DYSF: variants seen among roughly 807,000 people sequenced by gnomAD.
The protein encoded by DYSF is dystrophy-associated fer-1-like 1.
Under a neutral mutation model 274.9 loss-of-function variants are expected in DYSF, and 212 were observed. The ratio of observed to expected loss-of-function variants is 0.77; its 90% CI spans 0.69 to 0.86. The LOEUF (loss-of-function observed/expected upper bound fraction) is 0.86. Ranked by LOEUF, DYSF falls within the 40% of genes least tolerant of loss-of-function variation. The probability of loss-of-function intolerance (pLI) is 0.00; values close to 1 mark genes in which losing one functional copy is unlikely to be tolerated. For synonymous variants in DYSF, 1,091 were observed against 1,078.7 expected, an observed-to-expected ratio of 1.01 and a Z score of -0.22; for missense variants, 2,666 against 2,783.2, an observed-to-expected ratio of 0.96 and a Z score of 0.95.
At chr2:71,618,352 T>A (rs1292453421) in intron 40 of DYSF, among the ~76,000 whole-genome samples, 15 of 4,386 alleles carry the variant, frequency 3.4e-3, no homozygotes, top group Admixed American at 9.6e-3. Flanking sequence ...GGTAGAGGGG[T>A]GTGTGTGTGG....
Position 71,455,467 on chromosome 2 carries a change from C to T in DYSF, c.88+1381C>T, listed in dbSNP as rs1002917312. Among the ~76,000 whole-genome samples, 9 of 152,180 alleles carry T rather than the reference C, an allele frequency of 5.9e-5. No homozygotes were observed. In the East Asian group the frequency reaches 7.7e-4, roughly 13 times the overall value. Reference sequence around the variant, plus strand: ...TGATCTGCTCTCAATCAGTTTCCCACGTGGCCTCCGGAAATGAGCTTTATC... The same window carrying T: ...TGATCTGCTCTCAATCAGTTTCCCATGTGGCCTCCGGAAATGAGCTTTATC... On this transcript the variant is annotated intron_variant, in intron 1 of 54. Coordinates refer to the DYSF transcript ENST00000258104.
intron 30 of DYSF, among the ~76,000 whole-genome samples, chr2:71,578,187 A>C (rs963595952): frequency 1.3e-5 from 2 of 152,162 alleles, no homozygotes; most frequent in African/African-American, 4.8e-5. Flanking sequence ...TGTGTCTAAC[A>C]AGCCTCCACA....
chr2:71,513,808 A>G lies in DYSF; in HGVS notation c.646A>G (p.Thr216Ala). The change falls in exon 7 of 56, where the codon ACC becomes GCC. Residue 216 changes from threonine to alanine, a missense_variant. By Grantham distance (58) the Thr-to-Ala change is moderately conservative. Coordinates refer to ENST00000410020, the MANE Select transcript of DYSF (RefSeq NM_001130987.2). ...TCAAAGCGGAGGCCCGGGGGCTCCC[A>G]CCACCCCAAGGAAACTACCTTCACG... ...LDQSGGPGAPTTPRKLPSRPP... is the reference protein window; with the variant it reads ...LDQSGGPGAPATPRKLPSRPP... 1 of 1,614,182 alleles carries G rather than the reference A, an allele frequency of 6.2e-7. No individual in the cohort carries two copies. Among genetic ancestry groups the G allele is most frequent in the East Asian group, 2.2e-5 (1 of 44,868 alleles).
intron 7 of DYSF, among the ~76,000 whole-genome samples, chr2:71,515,012 A>T (rs1422306520): frequency 2.0e-5 from 3 of 151,976 alleles, no homozygotes; most frequent in Non-Finnish European, 4.4e-5. Flanking sequence ...AGTTGATTCT[A>T]AAGTGGAGCC....
intron 41 of DYSF, among the ~76,000 whole-genome samples, chr2:71,636,956 C>T (rs990026141): frequency 1.3e-5 from 2 of 152,146 alleles, no homozygotes; most frequent in African/African-American, 4.8e-5. Context: ...CCACTTCTGC[C>T]AAATACTGCT....
At position 71,612,789 on chromosome 2, in the gene DYSF, C is replaced by G. The variant is rs1181520503; in HGVS notation, c.4370C>G (p.Ser1457Cys). ...LCDPYSAESP[S>C]PQGGPDDVSL... The stretch of plus-strand genomic sequence containing the variant: ...GACCCCTACTCGGCGGAGAGTCCAT[C>G]CCCACAGGGTGGCCCAGGTAGGGGA... Residue 1457 changes from serine to cysteine, a missense_variant, in exon 39 of 56, where the codon TCC becomes TGC. Ser to Cys is a moderately radical substitution (Grantham distance 112, BLOSUM62 -1). Coordinates refer to ENST00000410020, the MANE Select transcript of DYSF (RefSeq NM_001130987.2). 6.2e-7 allele frequency: 1 copy of G among 1,613,406 alleles called. No individual in the cohort carries two copies. Among genetic ancestry groups the G allele is most frequent in the South Asian group, 1.1e-5 (1 of 91,012 alleles).
chr2:71,485,609 T>C (rs1225943856), intron 3 of DYSF, among the ~76,000 whole-genome samples: 1 of 152,060 alleles, frequency 6.6e-6, no homozygotes, highest in African/African-American at 2.4e-5. Flanking sequence ...ACCTGCAAGG[T>C]AATTCTGTCA....
rs539451159 is a variant in DYSF, at chr2:71,510,108, G to A, written c.346-1699G>A. Among the ~76,000 whole-genome samples the A allele has an allele frequency of 2.6e-5, 4 of 152,298 alleles. No homozygotes were observed. In the South Asian group the frequency reaches 6.2e-4, roughly 24 times the overall value. ...TGTTTTTAAGAATCAGTCATTCATT[G>A]AGCATTTCCTTCCTTTCTGGTGCAA... On this transcript the variant is annotated intron_variant, in intron 4 of 55. Transcript: ENST00000410020.
chr2:71,591,910 C>T (rs1344903961), intron 32 of DYSF, among the ~76,000 whole-genome samples: 3 of 152,244 alleles, frequency 2.0e-5, no homozygotes, highest in African/African-American at 7.2e-5. Context: ...GGGCCAGGGT[C>T]CTGAGAGCTC....
intron 17 of DYSF, 44 bp downstream of exon 17, chr2:71,539,283 C>T (rs2089691884): frequency 1.3e-6 from 2 of 1,533,576 alleles, no homozygotes; most frequent in Non-Finnish European, 1.8e-6. Flanking sequence ...CTGTGCTCTC[C>T]CCCGTACCCC....
At chr2:71,517,505 A>G (rs1375224138) in intron 10 of DYSF, among the ~76,000 whole-genome samples, 4 of 152,162 alleles carry the variant, frequency 2.6e-5, no homozygotes, top group African/African-American at 7.2e-5. Flanking sequence ...GATGTATAGC[A>G]CCTTTGGTCA....
chr2:71,632,954 G>A lies in DYSF; in HGVS notation c.4528-11011G>A, dbSNP rs554913648. ...GATGTCAGGCCCATGTAGTCTCTGG[G>A]CCTTTGGAAGCAATTCAGCATTTTG... On this transcript the variant is annotated intron_variant, in intron 41 of 55. Coordinates refer to ENST00000410020, the MANE Select transcript of DYSF (RefSeq NM_001130987.2). Among the ~76,000 whole-genome samples, 4 of 152,320 alleles carry A rather than the reference G, an allele frequency of 2.6e-5. No individual in the cohort carries two copies. The South Asian group carries it at 8.3e-4, about 32-fold the overall frequency.
At chr2:71,553,697 A>G in intron 20 of DYSF, 110 bp from the exon 21 acceptor site, 1 of 1,224,238 alleles carries the variant, frequency 8.2e-7, no homozygotes, top group Non-Finnish European at 1.2e-6. Context: ...TCCCTTTCCC[A>G]GCTCTGCCAG....
chr2:71,651,498 T>C (rs986246523), intron 42 of DYSF, among the ~76,000 whole-genome samples: 19 of 152,052 alleles, frequency 1.2e-4, no homozygotes, highest in African/African-American at 4.3e-4. Flanking sequence ...GCAAAAAATA[T>C]GAAAGAAACA....
chr2:71,526,326 G>T lies in DYSF; in HGVS notation c.1256G>T (p.Arg419Leu), dbSNP rs776036392. Reference protein sequence around the residue: ...RGAHFCLKVFRAEDLPQMDDA... With the variant: ...RGAHFCLKVFLAEDLPQMDDA... The stretch of plus-strand genomic sequence containing the variant: ...GCCCACTTCTGCCTGAAGGTCTTCC[G>T]GGCCGAGGACTTGCCGCAGAGTGCG... Residue 419 changes from arginine (R) to leucine (L), a missense_variant, in exon 13 of 56, where the codon CGG becomes CTG. Transcript: ENST00000410020. The T allele has an allele frequency of 4.7e-5, 76 of 1,613,976 alleles. No individual in the cohort carries two copies. The highest frequency in any genetic ancestry group is 6.1e-5 in the Non-Finnish European group (72 of 1,179,990).
chr2:71,520,066 T>C, intron 10 of DYSF, 112 bp from the exon 11 acceptor site: 2 of 1,285,450 alleles, frequency 1.6e-6, no homozygotes, highest in Non-Finnish European at 2.3e-6. Context: ...CTGCCTGTGT[T>C]TCCAAATGTT....
At chr2:71,516,045 A>G in intron 8 of DYSF, 135 bp from the exon 9 acceptor site, 1 of 984,480 alleles carries the variant, frequency 1.0e-6, no homozygotes, top group Non-Finnish European at 1.6e-6. Context: ...TCCAATCCCC[A>G]GAACTGTGCC....
intron 3 of DYSF, among the ~76,000 whole-genome samples, chr2:71,483,484 C>T (rs1355600146): frequency 2.6e-5 from 4 of 152,086 alleles, no homozygotes; most frequent in African/African-American, 4.8e-5. Flanking sequence ...GGTATTCCAG[C>T]GTGTGGATGT....
rs755270902 is a variant in DYSF, at chr2:71,568,283, C to T, written c.2809C>T (p.Arg937Cys). ...GATCAAGCTACCCAAGGACAGCTTC[C>T]GCCCCTCGGCCGGCTGGACCTGGGC... ...GKIKLPKDSF[R>C]PSAGWTWAGD... The change falls in exon 26 of 56, where the codon CGC becomes TGC. Residue 937 changes from arginine (R) to cysteine (C), a missense_variant. By Grantham distance (180) the Arg-to-Cys change is radical (BLOSUM62 -3). Transcript: ENST00000410020. 7 of 1,614,076 alleles carry T rather than the reference C, an allele frequency of 4.3e-6. No individual in the cohort carries two copies. The highest frequency in any genetic ancestry group is 3.3e-5 in the South Asian group (3 of 91,086).
Sources: gnomAD v4.1 joint callset for allele counts (sites outside exome capture counted in the v4.1 genomes callset) on GRCh38, gnomAD v4.1.1 for gene constraint, MANE v1.5 for transcripts, NCBI Gene and HGNC (gene_info 2026-07-23, HGNC 2026-07-21) for gene names.